Variants in OR56A3 observed in about 807,000 individuals in gnomAD.
The protein encoded by OR56A3 is olfactory receptor 56A3.
A neutral mutation model predicts 17.5 loss-of-function variants in OR56A3; 23 were observed. The ratio of observed to expected loss-of-function variants is 1.32; its 90% CI spans 0.95 to 1.87. OR56A3 has a LOEUF of 1.87. OR56A3 is among the 40% of genes most tolerant of loss of function. The probability of loss-of-function intolerance (pLI) is 0.00; values close to 1 mark genes in which losing one functional copy is unlikely to be tolerated. For missense variants in OR56A3, 366 were observed against 380.1 expected (o/e 0.96, Z 0.31); for synonymous variants, 175 against 150.6 (o/e 1.16, Z -1.19).
At chr11:5,975,524 A>G in the OR56A3 span, among the ~76,000 whole-genome samples, 4 of 151,920 alleles carry the variant, frequency 2.6e-5, no homozygotes, top group Non-Finnish European at 5.9e-5. Context: ...ATGTCTCTAC[A>G]AAGGACATGA....
the OR56A3 span, among the ~76,000 whole-genome samples, chr11:6,011,677 C>G: frequency 1.3e-5 from 2 of 152,118 alleles, no homozygotes; most frequent in South Asian, 4.1e-4. Flanking sequence ...TGCCTGGGCC[C>G]ACTCGGCTCG....
the OR56A3 span, among the ~76,000 whole-genome samples, chr11:5,962,526 CT>C: frequency 6.9e-6 from 1 of 144,042 alleles, no homozygotes; most frequent in East Asian, 2.1e-4. Flanking sequence ...AGATTCTGGG[CT>C]TTTCTTTTTT....
At chr11:5,951,676 CA>C (rs1564800691), downstream of OR56A3, among the ~76,000 whole-genome samples, 2 of 152,122 alleles carry the variant, frequency 1.3e-5, no homozygotes, top group East Asian at 3.8e-4. Context: ...AAAAGCAAAG[CA>C]AAACACAGAC....
At chr11:5,998,672 A>C in the OR56A3 span, among the ~76,000 whole-genome samples, 1 of 152,114 alleles carries the variant, frequency 6.6e-6, no homozygotes, top group African/African-American at 2.4e-5. Context: ...CCAATAGGAC[A>C]CTCTGGAGAA....
chr11:6,022,001 G>T, the OR56A3 span: 1 of 152,164 alleles, frequency 6.6e-6, no homozygotes, highest in African/African-American at 2.4e-5. Context: ...GGATCTGATG[G>T]AGAAGGCCAC....
the OR56A3 span, among the ~76,000 whole-genome samples, chr11:5,992,091 G>A: frequency 1.3e-5 from 2 of 152,178 alleles, no homozygotes; most frequent in African/African-American, 4.8e-5. Flanking sequence ...AGTGAGCTGG[G>A]AAATTTCACA....
chr11:5,969,120 G>A, the OR56A3 span, among the ~76,000 whole-genome samples: 3 of 152,186 alleles, frequency 2.0e-5, no homozygotes, highest in African/African-American at 7.2e-5. Context: ...ATATGGTACT[G>A]TGTCACAACC....
the OR56A3 span, among the ~76,000 whole-genome samples, chr11:6,018,082 C>A: frequency 6.6e-6 from 1 of 151,564 alleles, no homozygotes; most frequent in East Asian, 1.9e-4. Context: ...CTGTAGCACC[C>A]AGATATATAA....
At chr11:5,980,345 C>A in the OR56A3 span, among the ~76,000 whole-genome samples, 1 of 152,040 alleles carries the variant, frequency 6.6e-6, no homozygotes, top group African/African-American at 2.4e-5. Flanking sequence ...ACTCTAAGAA[C>A]TTCTTTTATG....
chr11:5,989,383 G>A, the OR56A3 span, among the ~76,000 whole-genome samples: 3 of 151,818 alleles, frequency 2.0e-5, no homozygotes, highest in East Asian at 3.9e-4. Flanking sequence ...TAGCCCTGGG[G>A]CTGCTGAAAT....
At chr11:5,947,126 C>T (rs1377689273) in intron 2 of OR56A3, among the ~76,000 whole-genome samples, 185 bp from the exon 3 acceptor site, 1 of 152,138 alleles carries the variant, frequency 6.6e-6, no homozygotes, top group East Asian at 1.9e-4. Flanking sequence ...AATCATGTCA[C>T]CTCAGACAGC....
the OR56A3 span, among the ~76,000 whole-genome samples, chr11:5,965,744 C>T: frequency 6.6e-5 from 10 of 152,246 alleles, no homozygotes; most frequent in South Asian, 2.1e-3. Flanking sequence ...ACACACATGA[C>T]TCAAGAAGGT....
At chr11:5,995,127 G>T in the OR56A3 span, 1 of 574,958 alleles carries the variant, frequency 1.7e-6, no homozygotes, top group South Asian at 1.9e-5. Context: ...ACCGGTAGTT[G>T]GTGGAGAAGG....
At chr11:5,980,603 G>A in the OR56A3 span, among the ~76,000 whole-genome samples, 1 of 152,146 alleles carries the variant, frequency 6.6e-6, no homozygotes, top group African/African-American at 2.4e-5. Flanking sequence ...CTTGAAGACA[G>A]CATATAGTTG....
chr11:5,977,933 G>A, the OR56A3 span, among the ~76,000 whole-genome samples: 2 of 152,174 alleles, frequency 1.3e-5, no homozygotes, highest in African/African-American at 4.8e-5. Flanking sequence ...TTGGCAGCCA[G>A]ATATCCCAGC....
the OR56A3 span, among the ~76,000 whole-genome samples, chr11:5,989,150 A>T: frequency 6.6e-6 from 1 of 152,264 alleles, no homozygotes; most frequent in Admixed American, 6.5e-5. Flanking sequence ...TTATTGAGAC[A>T]TCCAGGGGAA....
chr11:5,949,552 ATTC>A lies in OR56A3; in HGVS notation c.*1263_*1265del, dbSNP rs1442542222. On this transcript the variant is annotated 3_prime_UTR_variant, in exon 3 of 3. Transcript: ENST00000641160. Reference sequence around the variant, plus strand: ...AATAGTGAGCGATTTGTTTTAGAATATTCTTCTAAATACAAGATTCTGTGCTTC... The same window carrying A: ...AATAGTGAGCGATTTGTTTTAGAATATTCTAAATACAAGATTCTGTGCTTC... 6.6e-6 allele frequency: 1 copy of A among 152,226 alleles called. No homozygotes were observed. Among genetic ancestry groups the A allele is most frequent in the Non-Finnish European group, 1.5e-5 (1 of 68,030 alleles). The allele number at this position is 152,226 out of a possible 1,614,324, so 9.4% of individuals were successfully genotyped here.
At chr11:6,001,299 G>A in the OR56A3 span, 1 of 152,166 alleles carries the variant, frequency 6.6e-6, no homozygotes, top group Non-Finnish European at 1.5e-5. Context: ...AGATGAAGAT[G>A]ATGAAGAAAA....
At chr11:6,015,295 T>C in the OR56A3 span, among the ~76,000 whole-genome samples, 106,926 of 151,832 alleles carry the variant, frequency 0.7, 37,922 homozygotes, top group East Asian at 0.94. Context: ...GGCTCAGGGC[T>C]CTGCTGCCCT....
Sources: allele counts gnomAD v4.1 joint callset (sites outside exome capture counted in the v4.1 genomes callset), GRCh38; gene constraint gnomAD v4.1.1; transcripts MANE v1.5; gene names NCBI Gene and HGNC (gene_info 2026-07-23, HGNC 2026-07-21).